Variants in CLCN4 observed in about 807,000 individuals in gnomAD.
CLCN4 encodes Cl-/H+ antiporter 4.
Under a neutral mutation model 41.7 loss-of-function variants are expected in CLCN4, and 1 was observed. The observed-to-expected ratio is 0.02, with a 90% CI of 0.01 to 0.11. The LOEUF is 0.11. Among genes scored for constraint, CLCN4 ranks in the 10% least tolerant of loss-of-function variants. The probability of loss-of-function intolerance (pLI) is 1.00; values close to 1 mark genes in which losing one functional copy is unlikely to be tolerated. For missense variants in CLCN4, 287 were observed against 661.0 expected, an observed-to-expected ratio of 0.43 and a Z score of 6.20; for synonymous variants, 277 against 285.8, an observed-to-expected ratio of 0.97 and a Z score of 0.31.
At chrX:10,175,256 G>T (rs1050155642) in intron 2 of CLCN4, among the ~76,000 whole-genome samples, 1 of 111,616 alleles carries the variant, frequency 9.0e-6, no homozygotes, top group African/African-American at 3.3e-5. Context: ...GGTGAGGCGT[G>T]GTAGGTTTGG....
At chrX:10,212,034 C>T (rs1482638330) in intron 9 of CLCN4, among the ~76,000 whole-genome samples, 2 of 111,694 alleles carry the variant, frequency 1.8e-5, no homozygotes, top group South Asian at 3.8e-4. Context: ...TTTATTTTAC[C>T]TGGGAGCAGT....
intron 4 of CLCN4, among the ~76,000 whole-genome samples, chrX:10,188,885 C>T (rs1200897183): frequency 1.8e-5 from 2 of 112,122 alleles, no homozygotes; most frequent in African/African-American, 6.5e-5. Flanking sequence ...CTACCTCCCT[C>T]ACCTGCCTCA....
chrX:10,198,440 T>C (rs1162756166), intron 6 of CLCN4, among the ~76,000 whole-genome samples: 1 of 112,273 alleles, frequency 8.9e-6, no homozygotes, highest in African/African-American at 3.2e-5. Flanking sequence ...ATAAACACGC[T>C]GTAATAACTC....
At chrX:10,215,275 T>A (rs1336069855) in intron 11 of CLCN4, among the ~76,000 whole-genome samples, 1 of 112,092 alleles carries the variant, frequency 8.9e-6, no homozygotes, top group East Asian at 2.8e-4. Flanking sequence ...CCCTTAAACC[T>A]CTTCCCAGTG....
intron 5 of CLCN4, 40 bp from the exon 6 acceptor site, chrX:10,197,899 T>C (rs371646617): frequency 1.4e-5 from 17 of 1,204,658 alleles, no homozygotes; most frequent in Non-Finnish European, 1.8e-5. Flanking sequence ...AGGTCAGCTG[T>C]GGCTAATGTT....
At chrX:10,213,289 G>C (rs769744684) in intron 10 of CLCN4, among the ~76,000 whole-genome samples, 2 of 112,076 alleles carry the variant, frequency 1.8e-5, no homozygotes, top group African/African-American at 3.2e-5. Flanking sequence ...ACAAAGGTGG[G>C]TCTGTCCCCT....
intron 10 of CLCN4, among the ~76,000 whole-genome samples, chrX:10,212,923 T>C (rs1369733919): frequency 9.0e-6 from 1 of 111,342 alleles, no homozygotes; most frequent in Non-Finnish European, 1.9e-5. Context: ...ACTGAAAATA[T>C]TATAAGTTGA....
intron 2 of CLCN4, among the ~76,000 whole-genome samples, chrX:10,170,606 A>G (rs1380547425): frequency 8.1e-5 from 9 of 111,510 alleles, no homozygotes; most frequent in Non-Finnish European, 1.3e-4. Flanking sequence ...TTAGAAATGC[A>G]GATTCCCCGG....
At chrX:10,212,914 C>G (rs1371821924) in intron 10 of CLCN4, among the ~76,000 whole-genome samples, 1 of 111,184 alleles carries the variant, frequency 9.0e-6, no homozygotes, top group Non-Finnish European at 1.9e-5. Flanking sequence ...GCATCATAAA[C>G]TGAAAATATT....
chrX:10,197,038 C>T (rs1373391932), intron 5 of CLCN4, among the ~76,000 whole-genome samples: 1 of 111,975 alleles, frequency 8.9e-6, no homozygotes, highest in Non-Finnish European at 1.9e-5. Flanking sequence ...AATAGGCACA[C>T]ATGTGGCTGT....
intron 2 of CLCN4, among the ~76,000 whole-genome samples, chrX:10,158,849 C>G (rs1274826884): frequency 8.8e-6 from 1 of 113,407 alleles, no homozygotes; most frequent in African/African-American, 3.2e-5. Flanking sequence ...GGCGGGGGAA[C>G]AAAATCTGAA....
intron 4 of CLCN4, among the ~76,000 whole-genome samples, chrX:10,189,723 T>C (rs1342808539): frequency 1.8e-5 from 2 of 112,299 alleles, no homozygotes; most frequent in Non-Finnish European, 3.8e-5. Context: ...CCTCAGTGGC[T>C]GTTGTCTTCG....
chrX:10,229,416 T>G (rs1925068674), intron 12 of CLCN4, among the ~76,000 whole-genome samples: 1 of 109,236 alleles, frequency 9.2e-6, no homozygotes, highest in Non-Finnish European at 1.9e-5. Context: ...TTATTATACT[T>G]TAAGTTCTAG....
chrX:10,202,541 A>G (rs976761425), intron 6 of CLCN4, among the ~76,000 whole-genome samples: 1 of 99,439 alleles, frequency 1.0e-5, no homozygotes, highest in Non-Finnish European at 2.0e-5. Flanking sequence ...CTGGGGACTG[A>G]GGTGAGAGGA....
chrX:10,205,298 C>T (rs189758947), intron 6 of CLCN4, among the ~76,000 whole-genome samples: 44 of 109,445 alleles, frequency 4.0e-4, no homozygotes, highest in African/African-American at 1.4e-3. Context: ...AGGGTGAAAC[C>T]CCATCTCTAC....
intron 6 of CLCN4, among the ~76,000 whole-genome samples, 200 bp downstream of exon 6, chrX:10,198,261 A>T (rs1185568237): frequency 1.8e-5 from 2 of 112,431 alleles, no homozygotes; most frequent in Non-Finnish European, 3.8e-5. Context: ...GACTTGCCCC[A>T]GGTAACCAAG....
chrX:10,189,524 G>A (rs1257334528), intron 4 of CLCN4, among the ~76,000 whole-genome samples: 1 of 111,919 alleles, frequency 8.9e-6, no homozygotes. Context: ...GAGCCCATGC[G>A]CACGTCAGCA....
At chrX:10,222,868 G>A (rs1307740711) in intron 12 of CLCN4, among the ~76,000 whole-genome samples, 1 of 112,201 alleles carries the variant, frequency 8.9e-6, no homozygotes, top group Non-Finnish European at 1.9e-5. Flanking sequence ...TACAGACAGA[G>A]CAGTGTCTTG....
intron 12 of CLCN4, among the ~76,000 whole-genome samples, chrX:10,223,135 A>G (rs771121251): frequency 8.9e-6 from 1 of 111,871 alleles, no homozygotes; most frequent in South Asian, 3.8e-4. Flanking sequence ...TGATGCTGCA[A>G]CTGCCGGTCT....
Sources: gnomAD v4.1 joint callset for allele counts (sites outside exome capture counted in the v4.1 genomes callset) on GRCh38, gnomAD v4.1.1 for gene constraint, MANE v1.5 for transcripts, NCBI Gene and HGNC (gene_info 2026-07-23, HGNC 2026-07-21) for gene names.